SGCZ: variants seen among roughly 807,000 people sequenced by gnomAD.
SGCZ encodes the protein sarcoglycan zeta.
SGCZ carries 40 observed loss-of-function variants against 41.3 expected under a neutral mutation model. The observed-to-expected ratio is 0.97, with a 90% confidence interval of 0.75 to 1.26. The LOEUF is 1.26. Ranked by LOEUF, SGCZ falls within the 50% of genes most tolerant of loss-of-function variation. The pLI is 0.00. For synonymous variants in SGCZ, 206 were observed against 137.5 expected, an observed-to-expected ratio of 1.50 and a Z score of -3.49; for missense variants, 552 against 369.8, an observed-to-expected ratio of 1.49 and a Z score of -4.04.
chr8:15,110,506 T>C (rs1218853788), intron 1 of SGCZ, among the ~76,000 whole-genome samples: 1 of 152,188 alleles, frequency 6.6e-6, no homozygotes. Flanking sequence ...CATCACATAA[T>C]TATTGTCCTC....
At chr8:14,449,442 T>G (rs983566847) in intron 2 of SGCZ, among the ~76,000 whole-genome samples, 1 of 152,186 alleles carries the variant, frequency 6.6e-6, no homozygotes, top group Non-Finnish European at 1.5e-5. Context: ...GATGAAAGCA[T>G]GCCTTCAGTT....
chr8:14,489,984 C>T (rs1220139329), intron 2 of SGCZ, among the ~76,000 whole-genome samples: 2 of 151,678 alleles, frequency 1.3e-5, no homozygotes, highest in Non-Finnish European at 2.9e-5. Flanking sequence ...TCTTGTGCCT[C>T]AGCCTCCTGA....
At chr8:14,484,477 A>AT (rs146176812) in intron 2 of SGCZ, among the ~76,000 whole-genome samples, 2,640 of 152,246 alleles carry the variant, frequency 0.017, 42 homozygotes, top group East Asian at 0.081. Context: ...CATTGATGTG[A>AT]TTTTTAAAAC....
At chr8:14,137,313 T>C (rs79809877) in intron 5 of SGCZ, among the ~76,000 whole-genome samples, 6,455 of 152,304 alleles carry the variant, frequency 0.042, 449 homozygotes, top group African/African-American at 0.15. Context: ...GGAACAAAGA[T>C]GGGCGGAGAA....
chr8:14,283,138 T>C (rs1219405334), intron 3 of SGCZ, among the ~76,000 whole-genome samples: 1 of 151,998 alleles, frequency 6.6e-6, no homozygotes, highest in Non-Finnish European at 1.5e-5. Flanking sequence ...TGTGAGCCAC[T>C]GTGCCCAGCC....
At chr8:15,213,318 C>G (rs1801297157) in intron 1 of SGCZ, among the ~76,000 whole-genome samples, 1 of 151,516 alleles carries the variant, frequency 6.6e-6, no homozygotes, top group African/African-American at 2.4e-5. Context: ...TAACAACTAA[C>G]AGAAGTAAAA....
chr8:14,363,014 T>C lies in SGCZ; in HGVS notation c.235-38810A>G, dbSNP rs567978414. 2.3e-4 allele frequency among the ~76,000 whole-genome samples: 35 copies of C among 152,306 alleles called. 1 individual carries two copies. In the South Asian group the frequency reaches 7.3e-3, roughly 32 times the overall value. ...TCAACAAATTTCTTACGTTGCTCAA[T>C]ATGTGGATGACAATTTTGTATATTA... On this transcript the variant is annotated intron_variant, in intron 2 of 7. Transcript: ENST00000382080.
intron 2 of SGCZ, among the ~76,000 whole-genome samples, chr8:14,470,132 G>C (rs866848683): frequency 6.6e-6 from 1 of 152,052 alleles, no homozygotes; most frequent in Non-Finnish European, 1.5e-5. Context: ...CAGGTAGACA[G>C]CATCAGAACT....
chr8:14,939,269 C>A, intron 1 of SGCZ, among the ~76,000 whole-genome samples: 1 of 152,204 alleles, frequency 6.6e-6, no homozygotes, highest in African/African-American at 2.4e-5. Context: ...TGGTATTCAG[C>A]TAAAGACACT....
chr8:14,847,126 A>AAAGAAC, intron 1 of SGCZ, among the ~76,000 whole-genome samples: 1 of 126,448 alleles, frequency 7.9e-6, no homozygotes, highest in East Asian at 2.5e-4. Flanking sequence ...GAAGAAGAAG[A>AAAGAAC]AAGAAGAAGA....
At chr8:14,305,713 C>G (rs1801328980) in intron 3 of SGCZ, among the ~76,000 whole-genome samples, 1 of 152,092 alleles carries the variant, frequency 6.6e-6, no homozygotes, top group Non-Finnish European at 1.5e-5. Context: ...CGCTGTATTT[C>G]CCTTTGCAAA....
chr8:15,045,716 T>C (rs1419443457), intron 1 of SGCZ, among the ~76,000 whole-genome samples: 1 of 152,084 alleles, frequency 6.6e-6, no homozygotes, highest in Non-Finnish European at 1.5e-5. Context: ...ACAGATTCTC[T>C]CATCAGAGTT....
At chr8:14,405,552 A>G (rs1221509994) in intron 2 of SGCZ, among the ~76,000 whole-genome samples, 5 of 152,152 alleles carry the variant, frequency 3.3e-5, no homozygotes, top group African/African-American at 9.7e-5. Flanking sequence ...ATATAGCCTT[A>G]TGCCAAGAAT....
intron 1 of SGCZ, among the ~76,000 whole-genome samples, chr8:14,959,361 T>A (rs1800891991): frequency 1.3e-5 from 2 of 152,122 alleles, no homozygotes; most frequent in Admixed American, 6.6e-5. Flanking sequence ...TTAGTTCTGG[T>A]GCAGCAGGAG....
At chr8:14,866,482 T>C (rs893307176) in intron 1 of SGCZ, among the ~76,000 whole-genome samples, 8 of 152,104 alleles carry the variant, frequency 5.3e-5, no homozygotes, top group Non-Finnish European at 8.8e-5. Context: ...ATGGTGCTCT[T>C]CTTTACAAAA....
intron 1 of SGCZ, among the ~76,000 whole-genome samples, chr8:14,700,316 G>A (rs1407892409): frequency 2.0e-5 from 3 of 152,000 alleles, no homozygotes; most frequent in Non-Finnish European, 4.4e-5. Flanking sequence ...CAATATGGAT[G>A]CAGCTAGAGG....
At chr8:14,230,595 TATC>T (rs941262937) in intron 4 of SGCZ, among the ~76,000 whole-genome samples, 3 of 152,092 alleles carry the variant, frequency 2.0e-5, no homozygotes, top group African/African-American at 7.2e-5. Flanking sequence ...TTTCTGAAGA[TATC>T]ATGATTTCCA....
intron 1 of SGCZ, among the ~76,000 whole-genome samples, chr8:14,886,742 C>T (rs77494757): frequency 0.011 from 1,667 of 152,072 alleles, 23 homozygotes; most frequent in African/African-American, 0.037. Context: ...CTAAATGAGA[C>T]GGGAAAATCA....
chr8:14,772,683 G>T (rs1486135699), intron 1 of SGCZ, among the ~76,000 whole-genome samples: 1 of 149,518 alleles, frequency 6.7e-6, no homozygotes, highest in Admixed American at 6.7e-5. Flanking sequence ...GCGGTGTTTG[G>T]TTTTTTGTTC....
Sources: gnomAD v4.1 joint callset for allele counts (sites outside exome capture counted in the v4.1 genomes callset) on GRCh38, gnomAD v4.1.1 for gene constraint, MANE v1.5 for transcripts, NCBI Gene and HGNC (gene_info 2026-07-23, HGNC 2026-07-21) for gene names.